Variants in PTPRM observed in about 807,000 individuals in gnomAD.
The protein encoded by PTPRM is protein tyrosine phosphatase receptor type M.
PTPRM carries 47 observed loss-of-function variants against 186.7 expected under a neutral mutation model. The ratio of observed to expected loss-of-function variants is 0.25; its 90% CI spans 0.20 to 0.32. The LOEUF is 0.32. Ranked by LOEUF, PTPRM falls within the 10% of genes least tolerant of loss-of-function variation. PTPRM has a pLI of 1.00. For missense variants in PTPRM, 1,494 were observed against 1,865.0 expected (o/e 0.80, Z 3.66); for synonymous variants, 668 against 674.9 (o/e 0.99, Z 0.16).
Position 8,376,480 on chromosome 18 carries a change from T to G in PTPRM, c.3345T>G (p.Thr1115=). Residue 1115 remains threonine (T), a synonymous_variant, in exon 26 of 33, where the codon ACT becomes ACG. Coordinates refer to ENST00000580170, the MANE Select transcript of PTPRM (RefSeq NM_001105244.2). ...VVHCSAGAGR[T]GCFIVIDIML... ...CATTCAGTGCTGGTGCAGGGAGGACTGGCTGTTTCATCGTCATTGATATCA... is the reference window on the plus strand; with the variant it reads ...CATTCAGTGCTGGTGCAGGGAGGACGGGCTGTTTCATCGTCATTGATATCA... 6.2e-7 allele frequency: 1 copy of G among 1,614,168 alleles called. No homozygotes were observed. The highest frequency in any genetic ancestry group is 8.5e-7 in the Non-Finnish European group (1 of 1,180,018).
intron 5 of PTPRM, among the ~76,000 whole-genome samples, chr18:7,930,428 C>T (rs2051416739): frequency 6.6e-6 from 1 of 152,176 alleles, no homozygotes; most frequent in Non-Finnish European, 1.5e-5. Context: ...AATAGGTATT[C>T]TGCACAAAGT....
chr18:8,013,141 G>C (rs184239739), intron 7 of PTPRM, among the ~76,000 whole-genome samples: 1 of 152,150 alleles, frequency 6.6e-6, no homozygotes, highest in Admixed American at 6.5e-5. Context: ...AGTTTCACCA[G>C]CATAAAAACC....
chr18:8,324,974 T>A lies in PTPRM; in HGVS notation c.2956+5760T>A, dbSNP rs975202609. ...ATGCCATGTATGCGTGACCTGTTACTGTTTTTGAGAAACAGCACAGAATCG... is the reference window on the plus strand; with the variant it reads ...ATGCCATGTATGCGTGACCTGTTACAGTTTTTGAGAAACAGCACAGAATCG... On this transcript the variant is annotated intron_variant, in intron 22 of 32. Transcript: ENST00000580170. 3.9e-4 allele frequency among the ~76,000 whole-genome samples: 59 copies of A among 152,238 alleles called. 1 individual carries two copies. The highest frequency in any genetic ancestry group is 1.2e-3 in the African/African-American group (49 of 41,470).
intron 14 of PTPRM, among the ~76,000 whole-genome samples, chr18:8,177,718 C>T (rs750285472): frequency 2.6e-5 from 4 of 152,160 alleles, no homozygotes; most frequent in Non-Finnish European, 5.9e-5. Flanking sequence ...TATTGAAAAG[C>T]TTTGGAGCAG....
At position 8,012,476 on chromosome 18, in the gene PTPRM, C is replaced by T. The variant is rs552106832; in HGVS notation, c.1132+57062C>T. 3.6e-4 allele frequency among the ~76,000 whole-genome samples: 55 copies of T among 152,264 alleles called. 1 individual carries two copies. Among genetic ancestry groups the T allele is most frequent in the South Asian group, 1.2e-3 (6 of 4,822 alleles). On this transcript the variant is annotated intron_variant, in intron 7 of 32. Transcript: ENST00000580170. ...ACCTTGTGAGAAATGTGTTGCTAGG[C>T]GATTTCATCATTGCATGAACACCAT...
At chr18:7,906,289 T>C (rs1355995434) in intron 3 of PTPRM, among the ~76,000 whole-genome samples, 1 of 152,172 alleles carries the variant, frequency 6.6e-6, no homozygotes, top group Non-Finnish European at 1.5e-5. Context: ...GGGTTCTGTC[T>C]AACGCATTCA....
At chr18:8,144,295 C>T (rs889729247) in intron 14 of PTPRM, among the ~76,000 whole-genome samples, 2 of 152,174 alleles carry the variant, frequency 1.3e-5, no homozygotes, top group Non-Finnish European at 2.9e-5. Context: ...AGCGCGGGAG[C>T]AGCTCGTGTT....
chr18:7,989,931 T>A (rs1376589624), intron 7 of PTPRM, among the ~76,000 whole-genome samples: 1 of 152,204 alleles, frequency 6.6e-6, no homozygotes, highest in Non-Finnish European at 1.5e-5. Flanking sequence ...TTTGAGACAG[T>A]CTTGCTCTGT....
chr18:7,653,497 G>T (rs918927355), intron 1 of PTPRM, among the ~76,000 whole-genome samples: 6 of 152,086 alleles, frequency 3.9e-5, no homozygotes, highest in Non-Finnish European at 8.8e-5. Context: ...ATAGACCGCA[G>T]TGTGTGTTGT....
At chr18:7,724,187 A>C (rs2040502482) in intron 1 of PTPRM, among the ~76,000 whole-genome samples, 1 of 152,154 alleles carries the variant, frequency 6.6e-6, no homozygotes, top group Non-Finnish European at 1.5e-5. Flanking sequence ...GTTGAATGGA[A>C]AGTAGTAACA....
intron 31 of PTPRM, among the ~76,000 whole-genome samples, chr18:8,390,935 A>AAATAATAATAATAAT (rs71356213): frequency 0.012 from 1,747 of 143,358 alleles, 16 homozygotes; most frequent in South Asian, 0.017. Flanking sequence ...CTCAAAAAGA[A>AAATAATAATAATAAT]AATAATAATA....
chr18:8,331,292 A>G (rs1386517601), intron 22 of PTPRM, among the ~76,000 whole-genome samples: 9 of 152,240 alleles, frequency 5.9e-5, no homozygotes, highest in Non-Finnish European at 1.3e-4. Flanking sequence ...AAGTCATGCT[A>G]GGCTACAAAC....
At chr18:8,100,829 G>T (rs1465138802) in intron 11 of PTPRM, among the ~76,000 whole-genome samples, 2 of 152,166 alleles carry the variant, frequency 1.3e-5, no homozygotes, top group African/African-American at 4.8e-5. Context: ...TTGCTATTCA[G>T]TCTTTATGCC....
At chr18:7,708,538 A>G (rs2040145225) in intron 1 of PTPRM, among the ~76,000 whole-genome samples, 2 of 152,100 alleles carry the variant, frequency 1.3e-5, no homozygotes, top group African/African-American at 4.8e-5. Flanking sequence ...TCACCTGAAC[A>G]TTTTTACAAT....
At chr18:7,728,417 C>G (rs2040590728) in intron 1 of PTPRM, among the ~76,000 whole-genome samples, 2 of 152,252 alleles carry the variant, frequency 1.3e-5, no homozygotes, top group South Asian at 4.1e-4. Context: ...AAATTGAATA[C>G]CAGGGCCACC....
intron 7 of PTPRM, among the ~76,000 whole-genome samples, chr18:8,009,580 C>T (rs1290204438): frequency 3.3e-5 from 5 of 152,168 alleles, no homozygotes; most frequent in East Asian, 1.9e-4. Flanking sequence ...TGGTGGCGCA[C>T]GCCTGTAGTC....
chr18:8,371,099 C>T (rs1228438607), intron 24 of PTPRM, 93 bp downstream of exon 24: 27 of 668,388 alleles, frequency 4.0e-5, no homozygotes, highest in Admixed American at 8.4e-5. Context: ...TACACATGCT[C>T]ATATCTCAAT....
chr18:8,123,436 T>G (rs2145838689), intron 13 of PTPRM, among the ~76,000 whole-genome samples: 1 of 152,324 alleles, frequency 6.6e-6, no homozygotes, highest in South Asian at 2.1e-4. Context: ...TAAAGAAAAC[T>G]AAGCCTCAGG....
chr18:7,932,931 C>T (rs1381350192), intron 5 of PTPRM, among the ~76,000 whole-genome samples: 3 of 152,114 alleles, frequency 2.0e-5, no homozygotes, highest in African/African-American at 7.2e-5. Context: ...AAAATGTGGT[C>T]CGAAAATGTC....
Sources: allele counts gnomAD v4.1 joint callset (sites outside exome capture counted in the v4.1 genomes callset), GRCh38; gene constraint gnomAD v4.1.1; transcripts MANE v1.5; gene names NCBI Gene and HGNC (gene_info 2026-07-23, HGNC 2026-07-21).